Variants in TNXB observed in about 807,000 individuals in gnomAD.
The protein encoded by TNXB is tenascin XB.
In TNXB, 183 loss-of-function variants were observed where a neutral mutation model predicts 340.5. The ratio of observed to expected loss-of-function variants is 0.54; its 90% CI spans 0.48 to 0.61. The LOEUF (loss-of-function observed/expected upper bound fraction) is 0.61. TNXB is among the 20% of genes least tolerant of loss of function. The probability of loss-of-function intolerance (pLI) is 0.00; values close to 1 mark genes in which losing one functional copy is unlikely to be tolerated. For missense variants in TNXB, 4,613 were observed against 5,446.4 expected (o/e 0.85, Z 4.82); for synonymous variants, 2,121 against 2,314.5 (o/e 0.92, Z 2.40).
chr6:32,041,528 C>A, intron 43 of TNXB, 78 bp from the exon 44 acceptor site: 1 of 1,162,166 alleles, frequency 8.6e-7, no homozygotes, highest in Non-Finnish European at 1.2e-6. Flanking sequence ...GGAGGTAGCT[C>A]CCAGCACTCA....
chr6:32,054,058 C>T (rs530483660), intron 24 of TNXB, among the ~76,000 whole-genome samples: 37 of 152,254 alleles, frequency 2.4e-4, no homozygotes, highest in Admixed American at 1.3e-3. Context: ...GTCTTTGCTC[C>T]GCAACAAGCT....
At chr6:32,101,639 G>C (rs1194595530) in intron 1 of TNXB, among the ~76,000 whole-genome samples, 1 of 147,456 alleles carries the variant, frequency 6.8e-6, no homozygotes, top group Non-Finnish European at 1.5e-5. Context: ...AAGTTGGCCA[G>C]GCTGGTCTCA....
At position 32,082,650 on chromosome 6, in the gene TNXB, C is replaced by A. The variant is rs1346473220; in HGVS notation, c.3446-324G>T. On this transcript the variant is annotated intron_variant, in intron 8 of 43. Transcript: ENST00000644971. The surrounding 1 kb of genome is among the most constrained non-coding windows in gnomAD (Gnocchi z 5.0). ...AGAAAGAGGGGAGCCCAGCCAGGCC[C>A]TTTCACATCTCCATAGCCAGGGAAA... 6.6e-6 allele frequency among the ~76,000 whole-genome samples: 1 copy of A among 152,164 alleles called. No homozygotes were observed. Among genetic ancestry groups the A allele is most frequent in the Non-Finnish European group, 1.5e-5 (1 of 68,026 alleles).
chr6:32,054,541 T>C lies in TNXB; in HGVS notation c.8468-830A>G, dbSNP rs186116575. Among the ~76,000 whole-genome samples the C allele has an allele frequency of 1.5e-3, 232 of 152,346 alleles. 1 individual carries two copies. Among genetic ancestry groups the C allele is most frequent in the Non-Finnish European group, 2.3e-3 (157 of 68,034 alleles). On this transcript the variant is annotated intron_variant, in intron 24 of 43. Coordinates refer to ENST00000644971, the MANE Select transcript of TNXB (RefSeq NM_001365276.2). ...GCTGTGATGATTTGACATGCTTCAC[T>C]TCCTCTCCAAAGCTGTCATCAAGCT... is the stretch of plus-strand genomic sequence containing the variant.
At position 32,068,901 on chromosome 6, in the gene TNXB, G is replaced by C. The variant is rs116094055; in HGVS notation, c.5823C>G (p.Ser1941=). ...ACAGGGTCACCAGGTATCTGTGGTC[G>C]GATTCCAGGCCAGAGAGGGTGATGT... ...RNDITLSGLE[S]DHRYLVTLYG... The change falls in exon 16 of 44, where the codon TCC becomes TCG. Residue 1941 remains serine (S), a synonymous_variant. Coordinates refer to ENST00000644971, the MANE Select transcript of TNXB (RefSeq NM_001365276.2). This position sits in a 1 kb window ranked among gnomAD's most constrained non-coding sequence, Gnocchi z 5.3. 1 of 1,612,818 alleles carries C rather than the reference G, an allele frequency of 6.2e-7. No individual in the cohort carries two copies. The highest frequency in any genetic ancestry group is 1.7e-5 in the Admixed American group (1 of 60,030).
intron 1 of TNXB, among the ~76,000 whole-genome samples, chr6:32,103,165 A>G (rs1051760127): frequency 3.3e-5 from 5 of 152,106 alleles, no homozygotes; most frequent in African/African-American, 1.2e-4. Flanking sequence ...TCATGCCTGT[A>G]ATCTCAGTAC....
Position 32,046,234 on chromosome 6 carries a change from A to C in TNXB, c.10547T>G (p.Leu3516Arg). ...CTTTCCCCCAAGGAGCCCGTAGAGC[A>C]GAAACTTGTATTTCTTGCCAGGCTC... ...DLEPGKKYKF[L>R]LYGLLGGKRL... The change falls in exon 31 of 44, where the codon CTG (leucine) becomes CGG (arginine). Residue 3516 changes from leucine (L) to arginine (R), a missense_variant. Physicochemically the swap from Leu to Arg is moderately radical, Grantham distance 102 (BLOSUM62 -2). Transcript: ENST00000644971. The surrounding 1 kb of genome is among the most constrained non-coding windows in gnomAD (Gnocchi z 6.9). 1 of 1,603,956 alleles carries C rather than the reference A, an allele frequency of 6.2e-7. No homozygotes were observed. The highest frequency in any genetic ancestry group is 1.3e-5 in the African/African-American group (1 of 75,020).
At position 32,080,304 on chromosome 6, in the gene TNXB, G is replaced by A. The variant is rs182630354; in HGVS notation, c.4043-939C>T. 7.2e-4 allele frequency among the ~76,000 whole-genome samples: 109 copies of A among 151,994 alleles called. 1 individual carries two copies. In the East Asian group the frequency reaches 0.018, roughly 25 times the overall value. On this transcript the variant is annotated intron_variant, in intron 10 of 43. Transcript: ENST00000644971. The surrounding 1 kb of genome is among the most constrained non-coding windows in gnomAD (Gnocchi z 4.3). ...CGGCTCACTGCAAGCTCCGCCTCCCGGGTTCACGCCATTCTCCTGCCTCAT... is the reference window on the plus strand; with the variant it reads ...CGGCTCACTGCAAGCTCCGCCTCCCAGGTTCACGCCATTCTCCTGCCTCAT...
chr6:32,090,325 G>C lies in TNXB; in HGVS notation c.2359-946C>G, dbSNP rs1707803405. ...AACACTCCTACAAGTGTACATTTAAGGAATTATGATTATGTGTGGTGCCTC... is the reference window on the plus strand; with the variant it reads ...AACACTCCTACAAGTGTACATTTAACGAATTATGATTATGTGTGGTGCCTC... On this transcript the variant is annotated intron_variant, in intron 4 of 43. Transcript: ENST00000644971. The surrounding 1 kb of genome is among the most constrained non-coding windows in gnomAD (Gnocchi z 4.3). Among the ~76,000 whole-genome samples, 2 of 152,214 alleles carry C rather than the reference G, an allele frequency of 1.3e-5. No individual in the cohort carries two copies. The highest frequency in any genetic ancestry group is 6.5e-5 in the Admixed American group (1 of 15,286).
intron 4 of TNXB, 141 bp downstream of exon 4, chr6:32,094,935 C>T: frequency 1.5e-6 from 1 of 671,796 alleles, no homozygotes; most frequent in Non-Finnish European, 2.6e-6. Context: ...GTCAAGCAGG[C>T]TAAGAAAGCC....
rs149896074 is a variant in TNXB, at chr6:32,067,084, G to GAAATA, written c.6544+576_6544+577insTATTT. On this transcript the variant is annotated intron_variant, in intron 18 of 43. Transcript: ENST00000644971. The surrounding 1 kb of genome is among the most constrained non-coding windows in gnomAD (Gnocchi z 4.2). ...GAGTGAGACCTTGTCTAAAAAGAAAGAAAGAAAAGAATGAAAGAAAGAAAG... is the reference window on the plus strand; with the variant it reads ...GAGTGAGACCTTGTCTAAAAAGAAAGAAATAAAAGAAAAGAATGAAAGAAAGAAAG... Among the ~76,000 whole-genome samples, 1 of 143,208 alleles carries GAAATA rather than the reference G, an allele frequency of 7.0e-6. No individual in the cohort carries two copies. Among genetic ancestry groups the GAAATA allele is most frequent in the Non-Finnish European group, 1.5e-5 (1 of 66,072 alleles). The allele number at this position is 143,208 out of a possible 152,430, so 94.0% of individuals were successfully genotyped here.
chr6:32,101,753 T>C (rs1780733660), intron 1 of TNXB, among the ~76,000 whole-genome samples: 1 of 152,028 alleles, frequency 6.6e-6, no homozygotes, highest in Admixed American at 6.6e-5. Flanking sequence ...AGATAAACTC[T>C]ACCTCTGTCA....
In TNXB at chr6:32,109,334, A is replaced by C. The variant is rs896442813; in HGVS notation, c.-162T>G. The C allele has an allele frequency of 6.6e-6, 1 of 152,244 alleles. No homozygotes were observed. The highest frequency in any genetic ancestry group is 2.4e-5 in the African/African-American group (1 of 41,380). 9.4% of individuals were successfully genotyped at this position (152,244 alleles called of 1,614,324 possible). A position where few individuals can be genotyped will look rare whatever the true frequency, so the allele number is the denominator to read the frequency against. ...ACTGTGGATCTCGGCAGCGACAGTG[A>C]GGAGGGAGTCTGCAGCGAGCAGGGG... On this transcript the variant is annotated 5_prime_UTR_variant, in exon 1 of 44. Transcript: ENST00000644971.
At position 32,064,852 on chromosome 6, in the gene TNXB, G is replaced by A. The variant is rs770116511; in HGVS notation, c.6810C>T (p.Arg2270=). Residue 2270 remains arginine, a synonymous_variant, in exon 19 of 44, where the codon CGC becomes CGT. Coordinates refer to ENST00000644971, the MANE Select transcript of TNXB (RefSeq NM_001365276.2). The surrounding 1 kb of genome is among the most constrained non-coding windows in gnomAD (Gnocchi z 5.3). ...AACCAACAGCAGACACGGGGCCCAC[G>A]CGCTGGCCACCGTGGAAGCCGTACA... ...MNLYGFHGGQ[R]VGPVSAVGLT... 54 of 1,611,076 alleles carry A rather than the reference G, an allele frequency of 3.4e-5. No homozygotes were observed. Among genetic ancestry groups the A allele is most frequent in the South Asian group, 7.7e-5 (7 of 90,900 alleles).
rs1431114387 is a variant in TNXB at position 32,073,869 on chromosome 6, G to C, written c.4459C>G (p.Pro1487Ala). 6.2e-7 allele frequency: 1 copy of C among 1,610,912 alleles called. No homozygotes were observed. The highest frequency in any genetic ancestry group is 1.7e-5 in the Admixed American group (1 of 59,892). ...GTCCAGGAGAGGCCCACAGAGTTGG[G>C]GGTCACATCTGTCACTGTCAGCTCT... ...LGELTVTDVTPNSVGLSWTVP... is the reference protein window; with the variant it reads ...LGELTVTDVTANSVGLSWTVP... Residue 1487 changes from proline (P) to alanine (A), a missense_variant, in exon 12 of 44, where the codon CCC (proline) becomes GCC (alanine). Physicochemically the swap from Pro to Ala is conservative, Grantham distance 27 (BLOSUM62 -1). Transcript: ENST00000644971. The surrounding 1 kb of genome is among the most constrained non-coding windows in gnomAD (Gnocchi z 4.6).
Position 32,064,384 on chromosome 6 carries a change from T to C in TNXB, c.6841+437A>G, listed in dbSNP as rs1225572753. ...TGTGCCACCACACCCAGCTAATTTT[T>C]GTATTTTTAGTAGAGATGGGGGTTT... On this transcript the variant is annotated intron_variant, in intron 19 of 43. Transcript: ENST00000644971. The surrounding 1 kb of genome is among the most constrained non-coding windows in gnomAD (Gnocchi z 5.3). Among the ~76,000 whole-genome samples the C allele has an allele frequency of 6.6e-6, 1 of 152,186 alleles. No homozygotes were observed. Among genetic ancestry groups the C allele is most frequent in the Non-Finnish European group, 1.5e-5 (1 of 68,034 alleles).
At chr6:32,059,352 G>C (rs1360518127) in intron 21 of TNXB, among the ~76,000 whole-genome samples, 1 of 149,224 alleles carries the variant, frequency 6.7e-6, no homozygotes, top group Non-Finnish European at 1.5e-5. Context: ...CTGGGAGGCA[G>C]AGGTTGCAGT....
chr6:32,104,763 G>T (rs1780896150), intron 1 of TNXB, among the ~76,000 whole-genome samples: 1 of 151,924 alleles, frequency 6.6e-6, no homozygotes, highest in African/African-American at 2.4e-5. Context: ...AGCCTCCTGA[G>T]TAGTTGGGAC....
chr6:32,083,576 G>T lies in TNXB; in HGVS notation c.3445+837C>A, dbSNP rs1396300411. On this transcript the variant is annotated intron_variant, in intron 8 of 43. Coordinates refer to ENST00000644971, the MANE Select transcript of TNXB (RefSeq NM_001365276.2). This position sits in a 1 kb window ranked among gnomAD's most constrained non-coding sequence, Gnocchi z 4.6. ...TGTCTCATCCAGAACCCTGGGGGCT[G>T]CCTGGTACACCTTGCTTTCCTTCGC... Among the ~76,000 whole-genome samples the T allele has an allele frequency of 6.6e-6, 1 of 152,144 alleles. No homozygotes were observed. Among genetic ancestry groups the T allele is most frequent in the South Asian group, 2.1e-4 (1 of 4,828 alleles).
Sources: allele counts gnomAD v4.1 joint callset (sites outside exome capture counted in the v4.1 genomes callset), GRCh38; gene constraint gnomAD v4.1.1; non-coding constraint Gnocchi (gnomAD v3.1); transcripts MANE v1.5; gene names NCBI Gene and HGNC (gene_info 2026-07-23, HGNC 2026-07-21).